The following FSTL4 variants were observed in gnomAD, a reference collection of about 807,000 sequenced individuals.
The protein encoded by FSTL4 is follistatin-related protein 4.
A neutral mutation model predicts 78.2 loss-of-function variants in FSTL4; 28 were observed. The observed-to-expected ratio is 0.36, with a 90% confidence interval of 0.27 to 0.49. FSTL4 has a LOEUF of 0.49. Ranked by LOEUF, FSTL4 falls within the 20% of genes least tolerant of loss-of-function variation. FSTL4 has a pLI of 0.98. For missense variants in FSTL4, 922 were observed against 1,084.9 expected, an observed-to-expected ratio of 0.85 and a Z score of 2.11; for synonymous variants, 422 against 440.5, an observed-to-expected ratio of 0.96 and a Z score of 0.53.
intron 3 of FSTL4, among the ~76,000 whole-genome samples, chr5:133,525,506 G>A (rs1475208715): frequency 6.6e-6 from 1 of 152,172 alleles, no homozygotes; most frequent in Non-Finnish European, 1.5e-5. Flanking sequence ...GATGGTGAGT[G>A]GGGGGAGTTT....
intron 3 of FSTL4, among the ~76,000 whole-genome samples, chr5:133,428,513 C>T (rs1756873885): frequency 6.6e-6 from 1 of 152,214 alleles, no homozygotes; most frequent in African/African-American, 2.4e-5. Context: ...TCCAGCTATC[C>T]ACTGTGAGGC....
chr5:133,225,584 C>T lies in FSTL4; in HGVS notation c.1177+74G>A, dbSNP rs1191774550. ...TGACTTATAAACAAATTATACCTCTCGTTTCCATTCCTGGAGTCTCAGCTT... is the reference window on the plus strand; with the variant it reads ...TGACTTATAAACAAATTATACCTCTTGTTTCCATTCCTGGAGTCTCAGCTT... On this transcript the variant is annotated intron_variant, in intron 9 of 15. Transcript: ENST00000265342. The surrounding 1 kb of genome is among the most constrained non-coding windows in gnomAD (Gnocchi z 4.6). The T allele has an allele frequency of 3.8e-6, 5 of 1,332,894 alleles. No homozygotes were observed. The highest frequency in any genetic ancestry group is 5.2e-6 in the Non-Finnish European group (5 of 964,574). 82.6% of individuals were successfully genotyped at this position (1,332,894 alleles called of 1,614,324 possible). A position where few individuals can be genotyped will look rare whatever the true frequency, so the allele number is the denominator to read the frequency against.
intron 3 of FSTL4, among the ~76,000 whole-genome samples, chr5:133,401,522 A>G (rs1756223547): frequency 6.6e-6 from 1 of 152,006 alleles, no homozygotes; most frequent in Admixed American, 6.5e-5. Flanking sequence ...TTCCTTTACT[A>G]TGTCATGACT....
chr5:133,540,980 G>C (rs942257057), intron 3 of FSTL4, among the ~76,000 whole-genome samples: 1 of 151,970 alleles, frequency 6.6e-6, no homozygotes, highest in Non-Finnish European at 1.5e-5. Flanking sequence ...GACTCTGCCA[G>C]CCCGCTCTCA....
chr5:133,731,749 G>T, the FSTL4 span, among the ~76,000 whole-genome samples: 1 of 152,162 alleles, frequency 6.6e-6, no homozygotes, highest in Non-Finnish European at 1.5e-5. Flanking sequence ...GAGTCACAGA[G>T]CATCCCCCAA....
chr5:133,550,000 C>T (rs142119112), intron 3 of FSTL4, among the ~76,000 whole-genome samples: 1 of 152,180 alleles, frequency 6.6e-6, no homozygotes, highest in East Asian at 1.9e-4. Flanking sequence ...ACTGATCTGC[C>T]CTAGGCTTGA....
the FSTL4 span, among the ~76,000 whole-genome samples, chr5:133,741,837 G>A: frequency 2.0e-5 from 3 of 152,168 alleles, no homozygotes; most frequent in Non-Finnish European, 4.4e-5. Context: ...ATGACCGAGG[G>A]CAGTGTAAAA....
chr5:133,769,700 CT>C, the FSTL4 span, among the ~76,000 whole-genome samples: 2 of 152,116 alleles, frequency 1.3e-5, no homozygotes, highest in Non-Finnish European at 2.9e-5. Context: ...TAAACTAATT[CT>C]TTTTAAAAAA....
the FSTL4 span, among the ~76,000 whole-genome samples, chr5:133,742,197 C>T: frequency 6.6e-6 from 1 of 152,200 alleles, no homozygotes; most frequent in Non-Finnish European, 1.5e-5. Flanking sequence ...TGATGGTTGG[C>T]CACATGATGC....
intron 6 of FSTL4, among the ~76,000 whole-genome samples, chr5:133,286,788 T>C (rs770944928): frequency 2.0e-5 from 3 of 152,224 alleles, no homozygotes; most frequent in Non-Finnish European, 2.9e-5. Flanking sequence ...GAAACAATTT[T>C]GTTTCTCTCT....
At chr5:133,650,215 C>A in the FSTL4 span, among the ~76,000 whole-genome samples, 8 of 152,262 alleles carry the variant, frequency 5.3e-5, no homozygotes, top group Non-Finnish European at 7.4e-5. Context: ...CCCCATGACC[C>A]AAACACCTCC....
At chr5:133,706,380 G>A in the FSTL4 span, among the ~76,000 whole-genome samples, 1 of 152,128 alleles carries the variant, frequency 6.6e-6, no homozygotes, top group Non-Finnish European at 1.5e-5. Flanking sequence ...TACCAAGCAT[G>A]GTTAGCAAAA....
At chr5:133,742,335 T>C in the FSTL4 span, among the ~76,000 whole-genome samples, 3 of 152,148 alleles carry the variant, frequency 2.0e-5, no homozygotes, top group Non-Finnish European at 2.9e-5. Flanking sequence ...CCTGATGGCA[T>C]CATTGACACT....
At chr5:133,591,259 C>T (rs923958635) in intron 2 of FSTL4, among the ~76,000 whole-genome samples, 4 of 152,090 alleles carry the variant, frequency 2.6e-5, no homozygotes, top group African/African-American at 9.7e-5. Context: ...TAGGGTATGG[C>T]GAGGGTGCTG....
chr5:133,407,128 T>G (rs1438618009), intron 3 of FSTL4, among the ~76,000 whole-genome samples: 2 of 152,168 alleles, frequency 1.3e-5, no homozygotes, highest in African/African-American at 4.8e-5. Context: ...CAGGGACACA[T>G]AGCTTAGAGG....
chr5:133,312,923 T>C, intron 5 of FSTL4, 146 bp from the exon 6 acceptor site: 1 of 712,602 alleles, frequency 1.4e-6, no homozygotes, highest in East Asian at 2.7e-5. Flanking sequence ...TTGTCTTGTC[T>C]GACTCCTTCA....
At position 133,446,848 on chromosome 5, in the gene FSTL4, C is replaced by A. The variant is rs1356300044; in HGVS notation, c.161-45862G>T. On this transcript the variant is annotated intron_variant, in intron 3 of 15. Transcript: ENST00000265342. ...GCTCTGTGGCTCCACTCATCCTGTCCCCTCTGTGGACCTCAGTCTCAGGCA... is the reference window on the plus strand; with the variant it reads ...GCTCTGTGGCTCCACTCATCCTGTCACCTCTGTGGACCTCAGTCTCAGGCA... 3.3e-5 allele frequency among the ~76,000 whole-genome samples: 5 copies of A among 152,180 alleles called. No homozygotes were observed. The East Asian group carries it at 7.7e-4, about 23-fold the overall frequency.
At chr5:133,491,866 A>C (rs944987130) in intron 3 of FSTL4, among the ~76,000 whole-genome samples, 6 of 152,186 alleles carry the variant, frequency 3.9e-5, no homozygotes, top group Non-Finnish European at 8.8e-5. Flanking sequence ...ATCCACTAAA[A>C]CATATTACTG....
At chr5:133,349,780 T>C (rs1580639600) in intron 4 of FSTL4, among the ~76,000 whole-genome samples, 2 of 139,420 alleles carry the variant, frequency 1.4e-5, no homozygotes, top group Admixed American at 7.2e-5. Flanking sequence ...TGCTGCCATG[T>C]GACTGTAAAG....
Sources: allele counts gnomAD v4.1 joint callset (sites outside exome capture counted in the v4.1 genomes callset), GRCh38; gene constraint gnomAD v4.1.1; non-coding constraint Gnocchi (gnomAD v3.1); transcripts MANE v1.5; gene names NCBI Gene and HGNC (gene_info 2026-07-23, HGNC 2026-07-21).